MAGI2: variants seen among roughly 807,000 people sequenced by gnomAD.
MAGI2 encodes the protein membrane-associated guanylate kinase, WW and PDZ domain-containing protein 2.
Under a neutral mutation model 133.3 loss-of-function variants are expected in MAGI2, and 35 were observed. The ratio of observed to expected loss-of-function variants is 0.26; its 90% CI spans 0.20 to 0.35. MAGI2 has a LOEUF of 0.35. Among genes scored for constraint, MAGI2 ranks in the 10% least tolerant of loss-of-function variants. The pLI is 1.00. For missense variants in MAGI2, 1,636 were observed against 1,863.4 expected, an observed-to-expected ratio of 0.88 and a Z score of 2.25; for synonymous variants, 729 against 710.6, an observed-to-expected ratio of 1.03 and a Z score of -0.41.
chr7:78,741,894 T>C (rs1447786175), intron 2 of MAGI2, among the ~76,000 whole-genome samples: 1 of 152,054 alleles, frequency 6.6e-6, no homozygotes, highest in Non-Finnish European at 1.5e-5. Flanking sequence ...TTACTTGCCT[T>C]GTCAGTCATG....
intron 2 of MAGI2, among the ~76,000 whole-genome samples, chr7:78,813,159 C>T (rs1296026925): frequency 6.6e-6 from 1 of 152,166 alleles, no homozygotes; most frequent in Non-Finnish European, 1.5e-5. Flanking sequence ...TTTACCCAAA[C>T]TATTCCAGAA....
chr7:78,319,187 T>A (rs1192753296), intron 9 of MAGI2, among the ~76,000 whole-genome samples: 1 of 151,868 alleles, frequency 6.6e-6, no homozygotes, highest in Non-Finnish European at 1.5e-5. Context: ...CGATAAAGAG[T>A]CAAGACTCAT....
At chr7:79,406,133 G>A (rs1261116525) in intron 1 of MAGI2, among the ~76,000 whole-genome samples, 2 of 151,894 alleles carry the variant, frequency 1.3e-5, no homozygotes, top group East Asian at 1.9e-4. Flanking sequence ...TATTTTTAAG[G>A]AAGTTTTCCG....
chr7:78,328,532 C>CCACCCCTCT (rs1554346587), intron 9 of MAGI2, among the ~76,000 whole-genome samples: 9 of 133,798 alleles, frequency 6.7e-5, no homozygotes, highest in Non-Finnish European at 1.1e-4. Flanking sequence ...CACACACACC[C>CCACCCCTCT]CTCTCTCTCT....
chr7:78,664,932 C>A (rs757594895), intron 2 of MAGI2, among the ~76,000 whole-genome samples: 80 of 152,088 alleles, frequency 5.3e-4, no homozygotes, highest in Middle Eastern at 3.4e-3. Context: ...TTACTTTATT[C>A]TATGTATAAA....
chr7:78,618,962 C>T (rs1807409542), intron 3 of MAGI2: 1 of 127,112 alleles, frequency 7.9e-6, no homozygotes, highest in South Asian at 2.4e-4. Flanking sequence ...TATTACTCAG[C>T]ATGGTGACTA....
intron 1 of MAGI2, chr7:79,409,957 A>ATACT (rs1416393259): frequency 6.6e-6 from 1 of 152,178 alleles, no homozygotes; most frequent in Non-Finnish European, 1.5e-5. Flanking sequence ...TATAAAATAC[A>ATACT]TACTTTCTTT....
chr7:78,073,108 T>C (rs1281369865), intron 21 of MAGI2: 9 of 396,262 alleles, frequency 2.3e-5, no homozygotes, highest in Non-Finnish European at 3.6e-5. Context: ...ACTAAACAAC[T>C]GTTTGATCCA....
At chr7:78,428,242 G>T (rs1216108883) in intron 6 of MAGI2, among the ~76,000 whole-genome samples, 2 of 152,138 alleles carry the variant, frequency 1.3e-5, no homozygotes, top group Admixed American at 1.3e-4. Context: ...AGTAGAAGAA[G>T]GTGGGAGCAG....
intron 2 of MAGI2, among the ~76,000 whole-genome samples, chr7:78,807,496 C>T (rs1006009077): frequency 6.6e-6 from 1 of 151,944 alleles, no homozygotes; most frequent in South Asian, 2.1e-4. Flanking sequence ...CATATAGCCC[C>T]TGGAAAAGTC....
chr7:78,394,540 C>G (rs1042967416), intron 6 of MAGI2, among the ~76,000 whole-genome samples: 3 of 152,142 alleles, frequency 2.0e-5, no homozygotes, highest in Admixed American at 6.5e-5. Flanking sequence ...TTCTCACCCC[C>G]CTCTCCCATC....
intron 1 of MAGI2, among the ~76,000 whole-genome samples, chr7:79,397,009 C>G (rs932530238): frequency 6.6e-6 from 1 of 151,848 alleles, no homozygotes; most frequent in East Asian, 1.9e-4. Context: ...TATATCCCCA[C>G]TAAAAATGCA....
intron 16 of MAGI2, 41 bp from the exon 17 acceptor site, chr7:78,135,247 C>T: frequency 1.3e-6 from 2 of 1,497,610 alleles, no homozygotes; most frequent in Non-Finnish European, 1.9e-6. Flanking sequence ...GGGACATCAC[C>T]AATACATGTT....
intron 2 of MAGI2, among the ~76,000 whole-genome samples, chr7:78,995,919 A>T: frequency 6.6e-6 from 1 of 152,132 alleles, no homozygotes; most frequent in East Asian, 1.9e-4. Flanking sequence ...TCAGAGCCTC[A>T]ATTTCCCACA....
chr7:78,311,053 T>G (rs947796104), intron 9 of MAGI2, among the ~76,000 whole-genome samples: 6 of 152,234 alleles, frequency 3.9e-5, no homozygotes, highest in African/African-American at 1.4e-4. Context: ...AAGTGCTAAC[T>G]CATTTGATTT....
At chr7:78,452,065 T>G (rs564007613) in intron 6 of MAGI2, among the ~76,000 whole-genome samples, 2 of 152,258 alleles carry the variant, frequency 1.3e-5, no homozygotes, top group East Asian at 3.9e-4. Context: ...GTGTTGACTA[T>G]GATGTTGATG....
chr7:78,232,744 A>G (rs990347080), intron 10 of MAGI2, among the ~76,000 whole-genome samples: 1 of 152,202 alleles, frequency 6.6e-6, no homozygotes, highest in African/African-American at 2.4e-5. Flanking sequence ...GTGCTGGGAC[A>G]GTCTTTCTGG....
chr7:78,633,570 G>A (rs1418769751), intron 2 of MAGI2, among the ~76,000 whole-genome samples: 1 of 148,940 alleles, frequency 6.7e-6, no homozygotes, highest in African/African-American at 2.5e-5. Flanking sequence ...GCCGGGCGTG[G>A]TGGCGGGCGC....
chr7:78,041,283 G>A (rs890047463), intron 21 of MAGI2, among the ~76,000 whole-genome samples: 3 of 152,156 alleles, frequency 2.0e-5, no homozygotes, highest in African/African-American at 4.8e-5. Context: ...ATAGAGATAC[G>A]AGTTTGGTTG....
Sources: gnomAD v4.1 joint callset for allele counts (sites outside exome capture counted in the v4.1 genomes callset) on GRCh38, gnomAD v4.1.1 for gene constraint, MANE v1.5 for transcripts, NCBI Gene and HGNC (gene_info 2026-07-23, HGNC 2026-07-21) for gene names.